The following SPATA6L variants were observed in gnomAD, a reference collection of about 807,000 sequenced individuals.
SPATA6L encodes spermatogenesis associated 6 like, also known as spermatogenesis associated 6-like protein.
Under a neutral mutation model 49.2 loss-of-function variants are expected in SPATA6L, and 68 were observed. The observed-to-expected ratio is 1.38, with a 90% CI of 1.14 to 1.69. The LOEUF is 1.69. Ranked by LOEUF, SPATA6L falls within the 40% of genes most tolerant of loss-of-function variation. The pLI, the probability that SPATA6L is intolerant of heterozygous loss-of-function variation, is 0.00. For synonymous variants in SPATA6L, 198 were observed against 165.7 expected, an observed-to-expected ratio of 1.19 and a Z score of -1.50; for missense variants, 668 against 464.3, an observed-to-expected ratio of 1.44 and a Z score of -4.03.
chr9:4,649,017 A>C (rs1291769337), intron 3 of SPATA6L, among the ~76,000 whole-genome samples: 1 of 151,368 alleles, frequency 6.6e-6, no homozygotes, highest in Non-Finnish European at 1.5e-5. Context: ...CATTCCTTTT[A>C]ATGGTTGAGT....
Position 4,662,509 on chromosome 9 carries a change from G to T in SPATA6L, c.40-473C>A, listed in dbSNP as rs867401574. Reference sequence around the variant, plus strand: ...AGGTTTGAGTTCCAGTCCCTGCTCAGCAGCCGCGCCACGGCCGTGGACCCC... The same window carrying T: ...AGGTTTGAGTTCCAGTCCCTGCTCATCAGCCGCGCCACGGCCGTGGACCCC... On this transcript the variant is annotated intron_variant, in intron 1 of 11. Transcript: ENST00000682582. This position sits in a 1 kb window ranked among gnomAD's most constrained non-coding sequence, Gnocchi z 4.9. The T allele has an allele frequency of 1.3e-6, 2 of 1,560,192 alleles. No homozygotes were observed. Among genetic ancestry groups the T allele is most frequent in the African/African-American group, 2.7e-5 (2 of 73,662 alleles).
At chr9:4,622,665 T>A (rs568800106) in intron 6 of SPATA6L, among the ~76,000 whole-genome samples, 155 bp from the exon 7 acceptor site, 1 of 152,342 alleles carries the variant, frequency 6.6e-6, no homozygotes, top group African/African-American at 2.4e-5. Flanking sequence ...GCAAGTTTGT[T>A]ACATGTTACA....
intron 7 of SPATA6L, among the ~76,000 whole-genome samples, chr9:4,621,967 T>A (rs543633051): frequency 6.6e-6 from 1 of 152,346 alleles, no homozygotes; most frequent in South Asian, 2.1e-4. Context: ...CAGATAGAGT[T>A]GGCTTCCCAC....
In SPATA6L at chr9:4,617,913, T is replaced by TG. The variant is rs1676866544; in HGVS notation, c.995+9dup. The TG allele has an allele frequency of 6.3e-7, 1 of 1,594,244 alleles. No homozygotes were observed. The highest frequency in any genetic ancestry group is 8.6e-7 in the Non-Finnish European group (1 of 1,168,298). On this transcript the variant is annotated intron_variant, in intron 9 of 11. Coordinates refer to ENST00000682582, the MANE Select transcript of SPATA6L (RefSeq NM_001353486.2). ...CTCGTCAGGCAAACAGATGGGTGCT[T>TG]GCCACTGACCTTTCTCTGAGAAGGG...
chr9:4,594,616 C>T (rs905232173), downstream of SPATA6L, among the ~76,000 whole-genome samples: 1 of 152,112 alleles, frequency 6.6e-6, no homozygotes, highest in Admixed American at 6.5e-5. Context: ...CAAGGCAGGT[C>T]TATAGAGGTT....
intron 3 of SPATA6L, among the ~76,000 whole-genome samples, chr9:4,641,611 AT>A (rs1834051284): frequency 6.6e-6 from 1 of 152,132 alleles, no homozygotes; most frequent in Non-Finnish European, 1.5e-5. Flanking sequence ...GCCTAACTAC[AT>A]TTTCGAGTAA....
chr9:4,646,372 A>G, intron 3 of SPATA6L: 1 of 589,894 alleles, frequency 1.7e-6, no homozygotes, highest in Non-Finnish European at 2.8e-6. Context: ...ACAGACACAT[A>G]AAGTTGTATG....
At chr9:4,650,189 G>A (rs989558347) in intron 3 of SPATA6L, among the ~76,000 whole-genome samples, 8 of 152,154 alleles carry the variant, frequency 5.3e-5, no homozygotes, top group African/African-American at 1.9e-4. Flanking sequence ...TACCTGGTAT[G>A]CCAGCCTGAG....
At chr9:4,593,946 C>T (rs565502898), downstream of SPATA6L, among the ~76,000 whole-genome samples, 12 of 152,308 alleles carry the variant, frequency 7.9e-5, no homozygotes, top group South Asian at 2.5e-3. Flanking sequence ...GTCTTCCTCT[C>T]TCCACCAGAT....
At chr9:4,663,258 C>G in intron 1 of SPATA6L, 1 of 1,611,548 alleles carries the variant, frequency 6.2e-7, no homozygotes, top group Non-Finnish European at 8.5e-7. Context: ...GTGGAGTCAA[C>G]GATGACACCA....
chr9:4,630,436 G>C (rs1831285335), intron 4 of SPATA6L, among the ~76,000 whole-genome samples: 1 of 152,128 alleles, frequency 6.6e-6, no homozygotes, highest in Admixed American at 6.5e-5. Context: ...GTCTCCACCT[G>C]ACCCCATCGA....
intron 3 of SPATA6L, among the ~76,000 whole-genome samples, chr9:4,655,436 G>C (rs1320456040): frequency 6.6e-6 from 1 of 152,134 alleles, no homozygotes; most frequent in Non-Finnish European, 1.5e-5. Flanking sequence ...GCTTTTTGTG[G>C]TGATAAAAAT....
chr9:4,639,724 C>G (rs1056634662), intron 3 of SPATA6L, among the ~76,000 whole-genome samples: 1 of 152,216 alleles, frequency 6.6e-6, no homozygotes, highest in Non-Finnish European at 1.5e-5. Context: ...TCAATGGCAT[C>G]AACGAACTTC....
At chr9:4,646,327 G>C (rs769086550) in intron 3 of SPATA6L, 1 of 417,902 alleles carries the variant, frequency 2.4e-6, no homozygotes, top group Non-Finnish European at 4.2e-6. Flanking sequence ...AAATTTAATA[G>C]ATTGGCAGAA....
At chr9:4,643,771 G>A (rs559068736) in intron 3 of SPATA6L, among the ~76,000 whole-genome samples, 12 of 152,258 alleles carry the variant, frequency 7.9e-5, no homozygotes, top group African/African-American at 2.2e-4. Flanking sequence ...CTGGGAGGCC[G>A]AAGCAGGCAG....
chr9:4,626,604 C>A (rs1252447399), intron 5 of SPATA6L: 1 of 1,247,682 alleles, frequency 8.0e-7, no homozygotes, highest in Non-Finnish European at 1.1e-6. Flanking sequence ...TTCAGTGTTC[C>A]CCTTTTATCT....
intron 4 of SPATA6L, among the ~76,000 whole-genome samples, chr9:4,631,241 C>T (rs961283887): frequency 2.0e-5 from 3 of 151,940 alleles, no homozygotes; most frequent in Non-Finnish European, 4.4e-5. Context: ...ACCAATGGAA[C>T]GATGGTGATA....
intron 3 of SPATA6L, among the ~76,000 whole-genome samples, chr9:4,651,973 T>C (rs1836989422): frequency 6.6e-6 from 1 of 152,060 alleles, no homozygotes; most frequent in Non-Finnish European, 1.5e-5. Context: ...GAAAATGAAA[T>C]AAAATGCGCA....
downstream of SPATA6L, among the ~76,000 whole-genome samples, chr9:4,593,325 AAT>A (rs934410964): frequency 2.6e-5 from 4 of 152,160 alleles, no homozygotes; most frequent in African/African-American, 9.7e-5. Flanking sequence ...ATTAATTTTA[AAT>A]ATGTCTAGAT....
Sources: gnomAD v4.1 joint callset for allele counts (sites outside exome capture counted in the v4.1 genomes callset) on GRCh38, gnomAD v4.1.1 for gene constraint, Gnocchi (gnomAD v3.1) non-coding constraint, MANE v1.5 for transcripts, NCBI Gene and HGNC (gene_info 2026-07-23, HGNC 2026-07-21) for gene names.